TGFA: variants seen among roughly 807,000 people sequenced by gnomAD.
TGFA encodes the protein transforming growth factor alpha, also known as protransforming growth factor alpha.
TGFA carries 12 observed loss-of-function variants against 21.7 expected under a neutral mutation model. The observed-to-expected ratio is 0.55, with a 90% confidence interval of 0.35 to 0.90. TGFA has a LOEUF of 0.90. TGFA is among the 40% of genes least tolerant of loss of function. The probability of loss-of-function intolerance (pLI) is 0.01; values close to 1 mark genes in which losing one functional copy is unlikely to be tolerated. For missense variants in TGFA, 178 were observed against 210.8 expected (o/e 0.84, Z 0.96); for synonymous variants, 79 against 88.1 (o/e 0.90, Z 0.58).
chr2:70,522,742 C>T (rs910539769), intron 1 of TGFA, among the ~76,000 whole-genome samples: 2 of 152,156 alleles, frequency 1.3e-5, no homozygotes, highest in East Asian at 1.9e-4. Flanking sequence ...CAGGGGTACA[C>T]GTGCAGGATG....
chr2:70,494,589 G>T (rs1457202385), intron 2 of TGFA, among the ~76,000 whole-genome samples: 1 of 152,132 alleles, frequency 6.6e-6, no homozygotes, highest in African/African-American at 2.4e-5. Context: ...ATTACCAAAT[G>T]GCTCTCATAA....
chr2:70,471,476 T>C (rs782060415), intron 2 of TGFA, among the ~76,000 whole-genome samples: 14 of 152,360 alleles, frequency 9.2e-5, no homozygotes, highest in Non-Finnish European at 1.8e-4. Flanking sequence ...CGTGAGCTGA[T>C]GTGCTTTACT....
chr2:70,481,098 T>C (rs782295056), intron 2 of TGFA, among the ~76,000 whole-genome samples: 1 of 152,172 alleles, frequency 6.6e-6, no homozygotes, highest in African/African-American at 2.4e-5. Context: ...AATTTGTTTT[T>C]CCTCAAAACT....
At chr2:70,508,280 A>C (rs1671988995) in intron 2 of TGFA, among the ~76,000 whole-genome samples, 2 of 152,204 alleles carry the variant, frequency 1.3e-5, no homozygotes. Context: ...CCCTGTCTCC[A>C]CTAAAAATAC....
intron 1 of TGFA, among the ~76,000 whole-genome samples, chr2:70,544,543 A>G (rs60656875): frequency 0.011 from 1,639 of 152,332 alleles, 24 homozygotes; most frequent in African/African-American, 0.038. Flanking sequence ...TGTCTCCCAC[A>G]TTAGAACACA....
intron 2 of TGFA, among the ~76,000 whole-genome samples, chr2:70,482,400 A>G (rs1401703786): frequency 1.3e-5 from 2 of 152,214 alleles, no homozygotes; most frequent in African/African-American, 4.8e-5. Flanking sequence ...GTGACCTCAG[A>G]GTCCTAGCTC....
At chr2:70,471,988 C>T (rs1670764037) in intron 2 of TGFA, among the ~76,000 whole-genome samples, 1 of 152,166 alleles carries the variant, frequency 6.6e-6, no homozygotes, top group Non-Finnish European at 1.5e-5. Flanking sequence ...TCTTTCTTTT[C>T]TTCCTGCTTT....
intron 4 of TGFA, among the ~76,000 whole-genome samples, chr2:70,455,459 C>A (rs1670201762): frequency 6.6e-6 from 1 of 152,216 alleles, no homozygotes; most frequent in Non-Finnish European, 1.5e-5. Flanking sequence ...CTGACTGTCT[C>A]CACCATGAGT....
chr2:70,523,149 G>T (rs1672528356), intron 1 of TGFA, among the ~76,000 whole-genome samples: 1 of 152,080 alleles, frequency 6.6e-6, no homozygotes, highest in African/African-American at 2.4e-5. Context: ...TGCATTGTTT[G>T]GTCACCCGAT....
rs1237106954 is a variant in TGFA, at chr2:70,531,366, G to A, written c.41-16454C>T. On this transcript the variant is annotated intron_variant, in intron 1 of 5. Coordinates refer to ENST00000295400, the MANE Select transcript of TGFA (RefSeq NM_003236.4). ...AGCCAATCCTGTCTAACAGGACTCC[G>A]TAGTGATTCTCCATGGCTATGGTAC... Among the ~76,000 whole-genome samples, 11 of 152,220 alleles carry A rather than the reference G, an allele frequency of 7.2e-5. No individual in the cohort carries two copies. The East Asian group carries it at 1.7e-3, about 24-fold the overall frequency.
At chr2:70,553,337 G>A in intron 1 of TGFA, 1 of 1,495,918 alleles carries the variant, frequency 6.7e-7, no homozygotes, top group Non-Finnish European at 8.8e-7. Flanking sequence ...CCCGTTCCGA[G>A]GCGGCCCAGT....
intron 1 of TGFA, among the ~76,000 whole-genome samples, chr2:70,524,185 C>T (rs952765329): frequency 6.6e-6 from 1 of 152,166 alleles, no homozygotes. Context: ...TCCGAGAGAA[C>T]CCTCTCTCAT....
chr2:70,546,459 C>T (rs57166801), intron 1 of TGFA, among the ~76,000 whole-genome samples: 5,779 of 151,928 alleles, frequency 0.038, 395 homozygotes, highest in African/African-American at 0.13. Context: ...ACACTTGCTC[C>T]CTCTCTCCAT....
intron 1 of TGFA, among the ~76,000 whole-genome samples, chr2:70,520,568 A>G (rs1192377780): frequency 6.6e-6 from 1 of 152,174 alleles, no homozygotes; most frequent in Non-Finnish European, 1.5e-5. Context: ...TTTATTTAGC[A>G]CCTACATACT....
chr2:70,524,918 T>A (rs782303820), intron 1 of TGFA, among the ~76,000 whole-genome samples: 3 of 152,182 alleles, frequency 2.0e-5, no homozygotes, highest in Non-Finnish European at 4.4e-5. Context: ...ATTGGCCCCA[T>A]CTCAACTTCC....
At chr2:70,457,876 A>G (rs1420420395) in intron 3 of TGFA, among the ~76,000 whole-genome samples, 1 of 152,112 alleles carries the variant, frequency 6.6e-6, no homozygotes, top group African/African-American at 2.4e-5. Context: ...GCAGCCCCAT[A>G]TCATATGCTA....
At chr2:70,529,003 G>T (rs547303115) in intron 1 of TGFA, among the ~76,000 whole-genome samples, 2 of 152,330 alleles carry the variant, frequency 1.3e-5, no homozygotes, top group South Asian at 4.1e-4. Context: ...CACCTCTGGT[G>T]AAAATGTGTA....
intron 5 of TGFA, among the ~76,000 whole-genome samples, chr2:70,452,982 G>A (rs1275823722): frequency 1.3e-5 from 2 of 152,136 alleles, no homozygotes; most frequent in Admixed American, 6.5e-5. Flanking sequence ...AAACTCTGAG[G>A]CTGTGAGAGG....
chr2:70,512,364 T>C (rs1318579209), intron 2 of TGFA, among the ~76,000 whole-genome samples: 1 of 151,990 alleles, frequency 6.6e-6, no homozygotes, highest in Non-Finnish European at 1.5e-5. Context: ...GGCAGCCACC[T>C]CCCTCCTCTG....
Sources: allele counts gnomAD v4.1 joint callset (sites outside exome capture counted in the v4.1 genomes callset), GRCh38; gene constraint gnomAD v4.1.1; transcripts MANE v1.5; gene names NCBI Gene and HGNC (gene_info 2026-07-23, HGNC 2026-07-21).